GP6: variants seen among roughly 807,000 people sequenced by gnomAD.
GP6 encodes the protein platelet glycoprotein VI.
A neutral mutation model predicts 37.3 loss-of-function variants in GP6; 45 were observed. The observed-to-expected ratio is 1.21, with a 90% CI of 0.95 to 1.55. GP6 has a LOEUF of 1.55. Among genes scored for constraint, GP6 ranks in the 40% most tolerant of loss-of-function variants. GP6 has a pLI of 0.00. For synonymous variants in GP6, 340 were observed against 316.4 expected, an observed-to-expected ratio of 1.07 and a Z score of -0.79; for missense variants, 813 against 760.2, an observed-to-expected ratio of 1.07 and a Z score of -0.82.
At position 55,017,134 on chromosome 19, in the gene GP6, T is replaced by TA. The variant is rs1402870877; in HGVS notation, c.725-1402dup. Among the ~76,000 whole-genome samples, 1,084 of 151,532 alleles carry TA rather than the reference T, an allele frequency of 7.2e-3. 11 individuals carry two copies. Among genetic ancestry groups the TA allele is most frequent in the African/African-American group, 0.025 (1,041 of 41,272 alleles). ...AAGTAAAGCGATTTTTTTTTTTTTT[T>TA]AATACGGAGTCTCACTCTGTTGCCC... On this transcript the variant is annotated intron_variant, in intron 6 of 7. Transcript: ENST00000310373.
intron 7 of GP6, 131 bp from the exon 8 acceptor site, chr19:55,015,296 G>T: frequency 7.0e-7 from 1 of 1,436,392 alleles, no homozygotes. Flanking sequence ...TTTCCTGGAG[G>T]GTCCCTCCCT....
intron 6 of GP6, 73 bp from the exon 7 acceptor site, chr19:55,015,806 C>A: frequency 2.7e-6 from 2 of 740,016 alleles, no homozygotes; most frequent in Admixed American, 3.9e-5. Flanking sequence ...CTACTCCGAA[C>A]ACACACACAC....
At chr19:55,033,872 A>G (rs1471316029) in intron 1 of GP6, among the ~76,000 whole-genome samples, 3 of 152,122 alleles carry the variant, frequency 2.0e-5, no homozygotes, top group Non-Finnish European at 4.4e-5. Flanking sequence ...CCCGGTATTT[A>G]CAACATTTGC....
rs1292631531 is a variant in GP6, at chr19:55,013,962, T to C, written c.*120A>G. ...CCTAACATTTCCTTCAGAAAGTAAA[T>C]ATGAGAGGGGTGGAGACGGTGCATT... On this transcript the variant is annotated 3_prime_UTR_variant, in exon 8 of 8. Transcript: ENST00000310373. 1 of 420,426 alleles carries C rather than the reference T, an allele frequency of 2.4e-6. No individual in the cohort carries two copies. 26.0% of individuals were successfully genotyped at this position (420,426 alleles called of 1,614,324 possible).
At position 55,014,889 on chromosome 19, in the gene GP6, C is replaced by T. The variant is rs375643910; in HGVS notation, c.1056G>A (p.Arg352=). Reference sequence around the variant, plus strand: ...GTCGCCTCCCATGCCATGATCCCTCCCTTGGATACGACCGTGCCTGGGGTT... The same window carrying T: ...GTCGCCTCCCATGCCATGATCCCTCTCTTGGATACGACCGTGCCTGGGGTT... The change falls in exon 8 of 8, where the codon AGG becomes AGA. Residue 352 remains arginine (R), a synonymous_variant. Transcript: ENST00000310373. 2.5e-6 allele frequency: 4 copies of T among 1,613,926 alleles called. No individual in the cohort carries two copies. In the Admixed American group the frequency reaches 5.0e-5, roughly 20 times the overall value.
At chr19:55,032,838 T>TGTGGACTTGTTCGTGTTAGACACG (rs1568639860) in intron 1 of GP6, 7 of 528,746 alleles carry the variant, frequency 1.3e-5, no homozygotes, top group South Asian at 1.3e-4. Context: ...TACTGCTCTC[T>TGTGGACTTGTTCGTGTTAGACACG]GTGGACTTGT....
At chr19:55,029,665 C>T (rs947583882) in intron 3 of GP6, among the ~76,000 whole-genome samples, 1 of 151,234 alleles carries the variant, frequency 6.6e-6, no homozygotes, top group Non-Finnish European at 1.5e-5. Flanking sequence ...GCTGGCATTA[C>T]AGGCGTGAGC....
chr19:55,032,576 C>T (rs181543973), intron 1 of GP6, 38 bp from the exon 2 acceptor site: 8 of 1,610,268 alleles, frequency 5.0e-6, no homozygotes, highest in Non-Finnish European at 6.8e-6. Flanking sequence ...CCAGGACTCG[C>T]TTTTATGGAC....
intron 5 of GP6, among the ~76,000 whole-genome samples, chr19:55,022,877 A>G (rs901521457): frequency 1.9e-4 from 29 of 152,228 alleles, no homozygotes; most frequent in African/African-American, 7.0e-4. Context: ...AACAAATGGA[A>G]AAACATTCCA....
At position 55,032,186 on chromosome 19, in the gene GP6, C is replaced by T. The variant is rs888030341; in HGVS notation, c.278G>A (p.Gly93Glu). 1.2e-6 allele frequency: 2 copies of T among 1,613,804 alleles called. No homozygotes were observed. Among genetic ancestry groups the T allele is most frequent in the Non-Finnish European group, 1.7e-6 (2 of 1,179,834 alleles). Residue 93 changes from glycine to glutamate, a missense_variant, in exon 3 of 8, where the codon GGA becomes GAA. Gly to Glu is a moderately conservative substitution (Grantham distance 98). Transcript: ENST00000310373. ...GTCGCTGGGCAGGGACCAGAGGCTT[C>T]CGTTCTGGTAGGAGCAGCGGTAGCG... is the stretch of plus-strand genomic sequence containing the variant.
In GP6 at chr19:55,032,266, C is replaced by T. The variant is rs146751606; in HGVS notation, c.198G>A (p.Arg66=). The T allele has an allele frequency of 3.1e-6, 5 of 1,614,192 alleles. No homozygotes were observed. Among genetic ancestry groups the T allele is most frequent in the Admixed American group, 1.7e-5 (1 of 60,018 alleles). The change falls in exon 3 of 8, where the codon AGG becomes AGA. Residue 66 remains arginine, a synonymous_variant. Transcript: ENST00000310373. ...TGAAGAGGACTGCCTGATCCTGGTA[C>T]CTGCTGGAACTCAGCTTCTCCAGGC...
At chr19:55,018,576 A>G (rs1220471465) in intron 6 of GP6, 76 bp downstream of exon 6, 4 of 880,572 alleles carry the variant, frequency 4.5e-6, no homozygotes, top group East Asian at 4.8e-5. Context: ...TTAAAAGCCT[A>G]CAGGCTTAGA....
At position 55,014,267 on chromosome 19, in the gene GP6, C is replaced by G; in HGVS notation, c.1678G>C (p.Ala560Pro). 1 of 1,193,306 alleles carries G rather than the reference C, an allele frequency of 8.4e-7. No homozygotes were observed. The highest frequency in any genetic ancestry group is 1.2e-6 in the Non-Finnish European group (1 of 805,520). The allele number at this position is 1,193,306 out of a possible 1,614,324, so 73.9% of individuals were successfully genotyped here. A position where few individuals can be genotyped will look rare whatever the true frequency, so the allele number is the denominator to read the frequency against. ...TATAGGGATGCACCACCACACCTGG[C>G]TAATTTTTGTGTTTTTTTGTTTTGT... The change falls in exon 8 of 8, where the codon GCC (alanine) becomes CCC (proline). Residue 560 changes from alanine (A) to proline (P), a missense_variant. Transcript: ENST00000310373.
In GP6 at chr19:55,014,341, A is replaced by G. The variant is rs2073764722; in HGVS notation, c.1604T>C (p.Leu535Ser). The G allele has an allele frequency of 6.2e-7, 1 of 1,607,464 alleles. No individual in the cohort carries two copies. Among genetic ancestry groups the G allele is most frequent in the African/African-American group, 1.3e-5 (1 of 74,866 alleles). Residue 535 changes from leucine to serine, a missense_variant, in exon 8 of 8, where the codon TTA becomes TCA. Leu to Ser is a moderately radical substitution (Grantham distance 145, BLOSUM62 -2). Transcript: ENST00000310373. ...GTTGCACAGGCTGATCTTGTTTTCT[A>G]ATGTGAAGGGAAGCGGGCAACGTGC... is the stretch of plus-strand genomic sequence containing the variant.
chr19:55,037,623 C>CTTTTTTTT lies in GP6; in HGVS notation c.34+572_34+579dup, dbSNP rs1179101360. Among the ~76,000 whole-genome samples, 28 of 50,452 alleles carry CTTTTTTTT rather than the reference C, an allele frequency of 5.5e-4. 6 individuals carry two copies. The highest frequency in any genetic ancestry group is 1.8e-3 in the African/African-American group (23 of 12,734). The allele number at this position is 50,452 out of a possible 152,430, so 33.1% of individuals were successfully genotyped here. A position where few individuals can be genotyped will look rare whatever the true frequency, so the allele number is the denominator to read the frequency against. On this transcript the variant is annotated intron_variant, in intron 1 of 7. Transcript: ENST00000310373. ...AAGTGTGTAAGCCATGGCACTCAGC[C>CTTTTTTTT]TTTTTTTTTTTTTTTTTTTTTTTTT... is the stretch of plus-strand genomic sequence containing the variant.
At chr19:55,025,174 G>C in intron 5 of GP6, 44 bp downstream of exon 5, 1 of 1,035,574 alleles carries the variant, frequency 9.7e-7, no homozygotes, top group Non-Finnish European at 1.5e-6. Flanking sequence ...AGGGGTCCGT[G>C]TACCTCATAC....
chr19:55,032,311 AGGTCCCTGGCACCGGAG>A lies in GP6; in HGVS notation c.136_152del (p.Leu46SerfsTer90). On this transcript the variant is annotated frameshift_variant, in exon 3 of 8. Transcript: ENST00000310373. LOFTEE classifies it high-confidence loss of function. ...CCAGGCGGTACAGGTCCACGCCCGG[AGGTCCCTGGCACCGGAG>A]GGTCACTGGCTTCTCCAGGGGCACC... 6.2e-7 allele frequency: 1 copy of A among 1,614,008 alleles called. No homozygotes were observed. The highest frequency in any genetic ancestry group is 8.5e-7 in the Non-Finnish European group (1 of 1,179,934).
intron 1 of GP6, among the ~76,000 whole-genome samples, chr19:55,034,140 ATATG>A (rs1368095324): frequency 8.4e-6 from 1 of 118,832 alleles, no homozygotes; most frequent in South Asian, 2.7e-4. Context: ...GTATATGTAT[ATATG>A]TATGCATGTG....
chr19:55,037,165 A>G (rs964227905), intron 1 of GP6, among the ~76,000 whole-genome samples: 1 of 152,112 alleles, frequency 6.6e-6, no homozygotes, highest in African/African-American at 2.4e-5. Context: ...TTAGTGGTCA[A>G]ATTCTGAAGA....
Sources: gnomAD v4.1 joint callset for allele counts (sites outside exome capture counted in the v4.1 genomes callset) on GRCh38, gnomAD v4.1.1 for gene constraint, MANE v1.5 for transcripts, NCBI Gene and HGNC (gene_info 2026-07-23, HGNC 2026-07-21) for gene names.